The following TNRC6A variants were observed in gnomAD, a reference collection of about 807,000 sequenced individuals.
The protein encoded by TNRC6A is trinucleotide repeat-containing gene 6A protein.
A neutral mutation model predicts 221.2 loss-of-function variants in TNRC6A; 44 were observed. The observed-to-expected ratio is 0.20, with a 90% CI of 0.16 to 0.26. The LOEUF is 0.26. Among genes scored for constraint, TNRC6A ranks in the 10% least tolerant of loss-of-function variants. The pLI is 1.00. For synonymous variants in TNRC6A, 847 were observed against 838.5 expected (o/e 1.01, Z -0.18); for missense variants, 2,199 against 2,404.4 (o/e 0.91, Z 1.79).
intron 1 of TNRC6A, among the ~76,000 whole-genome samples, chr16:24,638,441 G>A (rs371707719): frequency 4.0e-5 from 6 of 149,508 alleles, no homozygotes; most frequent in Non-Finnish European, 1.5e-5. Flanking sequence ...GGATGGGCAC[G>A]GTGGCTCATG....
chr16:24,818,137 T>G (rs979078256), intron 20 of TNRC6A, among the ~76,000 whole-genome samples: 14 of 152,154 alleles, frequency 9.2e-5, no homozygotes, highest in Admixed American at 8.5e-4. Flanking sequence ...GGAGCCTGAA[T>G]ATATCGCGTA....
chr16:24,619,086 C>T (rs979537701), intron 1 of TNRC6A, among the ~76,000 whole-genome samples: 1 of 152,194 alleles, frequency 6.6e-6, no homozygotes, highest in Non-Finnish European at 1.5e-5. Flanking sequence ...AACCACTACT[C>T]TGTACTTTTT....
rs117182559 is a variant in TNRC6A, at chr16:24,669,741, G to T, written n.402+28732G>T. Among the ~76,000 whole-genome samples, 5 of 152,026 alleles carry T rather than the reference G, an allele frequency of 3.3e-5. No homozygotes were observed. The East Asian group carries it at 9.7e-4, about 29-fold the overall frequency. On this transcript the variant is annotated intron_variant and non_coding_transcript_variant, in intron 2 of 2. Coordinates refer to the TNRC6A transcript ENST00000566108. ...TCAGCTGAATTGTGTAATCCCCATG[G>T]TGCTGGCAGGAGGAGGAATAACAGT...
At chr16:24,664,782 C>T (rs1168076673) in intron 2 of TNRC6A, 1 of 346,432 alleles carries the variant, frequency 2.9e-6, no homozygotes, top group African/African-American at 2.6e-5. Flanking sequence ...CACACACACA[C>T]ACACACACAC....
In TNRC6A at chr16:24,631,771, C is replaced by CA. The variant is rs201846797; in HGVS notation, n.277-9101dup. The stretch of plus-strand genomic sequence containing the variant: ...TGGGTGACAGAGCAAGATTCCACCT[C>CA]AAAAAAAAAAAACAACAAAAAAAGA... On this transcript the variant is annotated intron_variant and non_coding_transcript_variant, in intron 1 of 2. Transcript: ENST00000566108. Among the ~76,000 whole-genome samples, 872 of 138,588 alleles carry CA rather than the reference C, an allele frequency of 6.3e-3. 9 individuals are homozygous for CA. Among genetic ancestry groups the CA allele is most frequent in the East Asian group, 0.031 (146 of 4,742 alleles). The allele number at this position is 138,588 out of a possible 152,430, so 90.9% of individuals were successfully genotyped here.
At chr16:24,656,410 T>C (rs1298470101) in intron 2 of TNRC6A, among the ~76,000 whole-genome samples, 1 of 141,330 alleles carries the variant, frequency 7.1e-6, no homozygotes, top group Non-Finnish European at 1.5e-5. Flanking sequence ...GAGGTTGCAG[T>C]GAGCCAAGAT....
At position 24,716,206 on chromosome 16, in the gene TNRC6A, T is replaced by C. The variant is rs1368534271; in HGVS notation, n.403-34520T>C. ...CAACCATTAGGTCCACCTCATTTCT[T>C]TCCCATCTCTTGGGGCTCACTGTCC... On this transcript the variant is annotated intron_variant and non_coding_transcript_variant, in intron 2 of 2. Transcript: ENST00000566108. Among the ~76,000 whole-genome samples, 2 of 152,192 alleles carry C rather than the reference T, an allele frequency of 1.3e-5. 1 individual carries two copies. Among genetic ancestry groups the C allele is most frequent in the Non-Finnish European group, 2.9e-5 (2 of 68,042 alleles).
chr16:24,802,140 A>G (rs1051904426), intron 11 of TNRC6A, among the ~76,000 whole-genome samples: 9 of 152,232 alleles, frequency 5.9e-5, no homozygotes, highest in Admixed American at 6.5e-5. Flanking sequence ...AAAGGTAAGT[A>G]TTATGGTGGT....
intron 18 of TNRC6A, among the ~76,000 whole-genome samples, chr16:24,811,410 C>T (rs1332449565): frequency 6.6e-6 from 1 of 152,078 alleles, no homozygotes; most frequent in African/African-American, 2.4e-5. Flanking sequence ...GATTTGGTGA[C>T]ATGTATAGAA....
chr16:24,623,152 AATTTATTT>A (rs199950284), intron 1 of TNRC6A, among the ~76,000 whole-genome samples: 13,824 of 143,774 alleles, frequency 0.096, 844 homozygotes, highest in Non-Finnish European at 0.13. Context: ...AAGTGATAAG[AATTTATTT>A]ATTTATTTAT....
At chr16:24,726,673 G>A (rs554095692), upstream of TNRC6A, among the ~76,000 whole-genome samples, 6 of 152,284 alleles carry the variant, frequency 3.9e-5, no homozygotes, top group South Asian at 2.1e-4. Context: ...TGTTGGGAAC[G>A]AGAGCAGAAA....
At chr16:24,616,262 G>T (rs1392185071) in intron 1 of TNRC6A, among the ~76,000 whole-genome samples, 1 of 149,372 alleles carries the variant, frequency 6.7e-6, no homozygotes. Context: ...GGAGGCAGAG[G>T]TTGCAGTGAG....
In TNRC6A at chr16:24,823,833, G is replaced by C. The variant is rs201911975; in HGVS notation, c.*26G>C. On this transcript the variant is annotated 3_prime_UTR_variant, in exon 25 of 25. Transcript: ENST00000395799. The surrounding 1 kb of genome is among the most constrained non-coding windows in gnomAD (Gnocchi z 4.3). ...CAGTGTAGATGCAGACTCACCGACCGGGACCTCAGACGCGAGGGAAAGGAG... is the reference window on the plus strand; with the variant it reads ...CAGTGTAGATGCAGACTCACCGACCCGGACCTCAGACGCGAGGGAAAGGAG... The C allele has an allele frequency of 7.3e-7, 1 of 1,373,608 alleles. No homozygotes were observed. Among genetic ancestry groups the C allele is most frequent in the Non-Finnish European group, 9.4e-7 (1 of 1,058,812 alleles). 85.1% of individuals were successfully genotyped at this position (1,373,608 alleles called of 1,614,324 possible). A position where few individuals can be genotyped will look rare whatever the true frequency, so the allele number is the denominator to read the frequency against.
chr16:24,632,309 C>T (rs1020410980), intron 1 of TNRC6A, among the ~76,000 whole-genome samples: 12 of 152,094 alleles, frequency 7.9e-5, no homozygotes, highest in African/African-American at 2.9e-4. Context: ...CTTGATTTCC[C>T]CTCAAAACAA....
rs36106864 is a variant in TNRC6A at position 24,645,834 on chromosome 16, C to CAAAAAAAA, written n.402+4851_402+4858dup. ...GAAACATGACAAGACCCTGTATCTA[C>CAAAAAAAA]AAAAAAAAAAAAAAAAAAAAAAAAA... On this transcript the variant is annotated intron_variant and non_coding_transcript_variant, in intron 2 of 2. Transcript: ENST00000566108. Among the ~76,000 whole-genome samples, 124 of 26,640 alleles carry CAAAAAAAA rather than the reference C, an allele frequency of 4.7e-3. 30 individuals are homozygous for CAAAAAAAA. Among genetic ancestry groups the CAAAAAAAA allele is most frequent in the African/African-American group, 6.0e-3 (49 of 8,102 alleles). 17.5% of individuals were successfully genotyped at this position (26,640 alleles called of 152,430 possible).
chr16:24,632,204 C>T (rs1383450345), intron 1 of TNRC6A, among the ~76,000 whole-genome samples: 1 of 152,174 alleles, frequency 6.6e-6, no homozygotes, highest in African/African-American at 2.4e-5. Context: ...AAGCTGACAA[C>T]ACACTTCTCG....
chr16:24,617,066 G>T (rs1900392654), intron 1 of TNRC6A, among the ~76,000 whole-genome samples: 5 of 151,994 alleles, frequency 3.3e-5, no homozygotes, highest in Admixed American at 3.3e-4. Context: ...AGAGAGAAAT[G>T]TGCCAAAATC....
At chr16:24,817,107 TG>T (rs1168288700) in intron 20 of TNRC6A, 151 bp downstream of exon 20, 1 of 646,464 alleles carries the variant, frequency 1.5e-6, no homozygotes, top group Non-Finnish European at 2.4e-6. Flanking sequence ...GCAACATAGT[TG>T]TGGGACCCTG....
intron 2 of TNRC6A, among the ~76,000 whole-genome samples, chr16:24,717,190 A>G (rs1304642621): frequency 6.6e-6 from 1 of 151,732 alleles, no homozygotes; most frequent in African/African-American, 2.4e-5. Flanking sequence ...ACTCAAGTGA[A>G]CCTCCCTGAC....
Sources: allele counts gnomAD v4.1 joint callset (sites outside exome capture counted in the v4.1 genomes callset), GRCh38; gene constraint gnomAD v4.1.1; non-coding constraint Gnocchi (gnomAD v3.1); transcripts MANE v1.5; gene names NCBI Gene and HGNC (gene_info 2026-07-23, HGNC 2026-07-21).